FAT4: variants seen among roughly 807,000 people sequenced by gnomAD.
FAT4 encodes FAT atypical cadherin 4.
FAT4 carries 84 observed loss-of-function variants against 303.9 expected under a neutral mutation model. The observed-to-expected ratio is 0.28, with a 90% CI of 0.23 to 0.33. The LOEUF is 0.33. Among genes scored for constraint, FAT4 ranks in the 10% least tolerant of loss-of-function variants. The pLI is 1.00. For synonymous variants in FAT4, 2,307 were observed against 2,298.8 expected (o/e 1.00, Z -0.10); for missense variants, 6,005 against 6,146.8 (o/e 0.98, Z 0.77).
chr4:125,359,147 T>G (rs1050820763), intron 2 of FAT4, among the ~76,000 whole-genome samples: 1 of 152,154 alleles, frequency 6.6e-6, no homozygotes, highest in African/African-American at 2.4e-5. Context: ...CATCATCACA[T>G]AGTAGCACAT....
intron 14 of FAT4, among the ~76,000 whole-genome samples, chr4:125,478,796 G>T (rs1727122494): frequency 6.6e-6 from 1 of 152,092 alleles, no homozygotes. Flanking sequence ...CCAAAGTGCT[G>T]GGATTATAGA....
chr4:125,425,459 T>G (rs1725054702), intron 7 of FAT4, among the ~76,000 whole-genome samples: 1 of 152,140 alleles, frequency 6.6e-6, no homozygotes, highest in African/African-American at 2.4e-5. Context: ...ATTTTTATAT[T>G]AAAGAGAACA....
chr4:125,434,448 A>G (rs2126044284), intron 8 of FAT4, 23 bp downstream of exon 8: 2 of 1,609,288 alleles, frequency 1.2e-6, no homozygotes, highest in African/African-American at 1.3e-5. Context: ...TCCTTTGTAA[A>G]GTTTGTCTGT....
At chr4:125,339,266 C>T (rs1184092903) in intron 2 of FAT4, among the ~76,000 whole-genome samples, 3 of 151,384 alleles carry the variant, frequency 2.0e-5, no homozygotes, top group South Asian at 2.1e-4. Flanking sequence ...CGGGTTCAAG[C>T]GATTCTCCTG....
At chr4:125,366,128 G>T (rs559113836) in intron 2 of FAT4, among the ~76,000 whole-genome samples, 2 of 152,256 alleles carry the variant, frequency 1.3e-5, no homozygotes, top group African/African-American at 2.4e-5. Flanking sequence ...TGCCAAAAAG[G>T]TTGGGGACTG....
At chr4:125,349,841 AT>A (rs1317151949) in intron 2 of FAT4, among the ~76,000 whole-genome samples, 1 of 151,732 alleles carries the variant, frequency 6.6e-6, no homozygotes, top group African/African-American at 2.4e-5. Context: ...GTGAAGGACA[AT>A]AAAAATTGAC....
Position 125,451,103 on chromosome 4 carries a change from C to G in FAT4, c.10093C>G (p.Arg3365Gly). Residue 3365 changes from arginine to glycine, a missense_variant, in exon 10 of 18, where the codon CGA (arginine) becomes GGA (glycine). By Grantham distance (125) the Arg-to-Gly change is moderately radical. Transcript: ENST00000394329. ...GATTTATGTTTCTGGAATTCTTGAT[C>G]GAGAAAAAGAAGAAAGGGTGTCTTT... ...GQIYVSGILD[R>G]EKEERVSLKV... 1.9e-6 allele frequency: 3 copies of G among 1,613,902 alleles called. No homozygotes were observed. Among genetic ancestry groups the G allele is most frequent in the Non-Finnish European group, 1.7e-6 (2 of 1,179,966 alleles).
chr4:125,399,422 G>GA (rs1560798821), intron 3 of FAT4, among the ~76,000 whole-genome samples: 2 of 151,856 alleles, frequency 1.3e-5, no homozygotes, highest in South Asian at 4.1e-4. Context: ...TTTTTCTTAT[G>GA]AAAAAAACTC....
At position 125,491,162 on chromosome 4, in the gene FAT4, A is replaced by G. The variant is rs141908891; in HGVS notation, c.14346A>G (p.Glu4782=). 5 of 1,614,032 alleles carry G rather than the reference A, an allele frequency of 3.1e-6. No individual in the cohort carries two copies. The highest frequency in any genetic ancestry group is 1.6e-4 in the Middle Eastern group (1 of 6,082). The stretch of plus-strand genomic sequence containing the variant: ...AGCCGATTGGGCAGATTCCACTGGA[A>G]TCTTCTCCTCCAGTCGGACTTTCTA... ...LKQPIGQIPL[E]SSPPVGLSIE... Residue 4782 remains glutamate, a synonymous_variant, in exon 18 of 18, where the codon GAA becomes GAG. Coordinates refer to ENST00000394329, the MANE Select transcript of FAT4 (RefSeq NM_001291303.3).
intron 2 of FAT4, among the ~76,000 whole-genome samples, chr4:125,387,520 A>G (rs565699846): frequency 1.3e-5 from 2 of 152,122 alleles, no homozygotes; most frequent in Non-Finnish European, 2.9e-5. Context: ...AAAAAACACA[A>G]TCTGATGAAC....
chr4:125,417,680 A>G (rs1294717600), intron 7 of FAT4, among the ~76,000 whole-genome samples: 1 of 152,158 alleles, frequency 6.6e-6, no homozygotes, highest in Non-Finnish European at 1.5e-5. Context: ...GCTGAAGACC[A>G]TGATGGGAGG....
At chr4:125,417,646 G>A (rs1735127140) in intron 7 of FAT4, among the ~76,000 whole-genome samples, 1 of 152,162 alleles carries the variant, frequency 6.6e-6, no homozygotes, top group South Asian at 2.1e-4. Flanking sequence ...GTGGAAGCCT[G>A]TCACTCAAAG....
chr4:125,441,893 A>G (rs1725673284), intron 8 of FAT4, among the ~76,000 whole-genome samples: 1 of 152,178 alleles, frequency 6.6e-6, no homozygotes, highest in Non-Finnish European at 1.5e-5. Flanking sequence ...TTTATTCTAT[A>G]TCTTTGACCA....
intron 2 of FAT4, among the ~76,000 whole-genome samples, chr4:125,398,487 A>C (rs1347979318): frequency 6.6e-6 from 1 of 152,168 alleles, no homozygotes; most frequent in Non-Finnish European, 1.5e-5. Flanking sequence ...AGTGATGTGC[A>C]AATCTGGGGA....
Position 125,317,798 on chromosome 4 carries a change from ATT to A in FAT4, c.1391_1392del (p.Phe464CysfsTer2). ...QARSSVASLVIFVNDINDHPP... is the reference protein window; with the variant it reads ...QARSSVASLVXFVNDINDHPP... ...GCGCTCTTCTGTGGCAAGCCTGGTG[ATT>A]TTTGTTAATGACATCAATGACCATC... On this transcript the variant is annotated frameshift_variant, in exon 2 of 18. Transcript: ENST00000394329. LOFTEE classifies it high-confidence loss of function. The surrounding 1 kb of genome is among the most constrained non-coding windows in gnomAD (Gnocchi z 7.0). 1 of 1,614,158 alleles carries A rather than the reference ATT, an allele frequency of 6.2e-7. No individual in the cohort carries two copies. Among genetic ancestry groups the A allele is most frequent in the Non-Finnish European group, 8.5e-7 (1 of 1,180,026 alleles).
rs372756130 is a variant in FAT4, at chr4:125,440,610, T to TGTGTGAGAGAGAGAGA, written c.7200-5682_7200-5681insTGTGAGAGAGAGAGAG. 3.2e-3 allele frequency among the ~76,000 whole-genome samples: 243 copies of TGTGTGAGAGAGAGAGA among 75,736 alleles called. 3 individuals carry two copies. Among genetic ancestry groups the TGTGTGAGAGAGAGAGA allele is most frequent in the African/African-American group, 0.012 (200 of 17,252 alleles). The allele number at this position is 75,736 out of a possible 152,430, so 49.7% of individuals were successfully genotyped here. On this transcript the variant is annotated intron_variant, in intron 8 of 17. Coordinates refer to ENST00000394329, the MANE Select transcript of FAT4 (RefSeq NM_001291303.3). ...GTGTGTGTGTGTGTGTGTGTGTGTG[T>TGTGTGAGAGAGAGAGA]GAGAGAGAGAGAGAGAGAGAGAGAG...
At position 125,403,200 on chromosome 4, in the gene FAT4, C is replaced by T. The variant is rs537257708; in HGVS notation, c.5308-3680C>T. On this transcript the variant is annotated intron_variant, in intron 3 of 17. Coordinates refer to ENST00000394329, the MANE Select transcript of FAT4 (RefSeq NM_001291303.3). The stretch of plus-strand genomic sequence containing the variant: ...TAAAATATATGTTCACTAAATTAAC[C>T]TCCAAAACAATCCTTTTTGGCAGGT... Among the ~76,000 whole-genome samples the T allele has an allele frequency of 1.0e-3, 159 of 152,138 alleles. 1 individual carries two copies. Among genetic ancestry groups the T allele is most frequent in the South Asian group, 2.7e-3 (13 of 4,822 alleles).
chr4:125,365,933 G>T (rs538996039), intron 2 of FAT4, among the ~76,000 whole-genome samples: 1 of 152,024 alleles, frequency 6.6e-6, no homozygotes, highest in Non-Finnish European at 1.5e-5. Flanking sequence ...GGAGGTGAGC[G>T]GCAGGCTAAC....
chr4:125,356,543 T>G (rs3021415), intron 2 of FAT4, among the ~76,000 whole-genome samples: 3 of 105,024 alleles, frequency 2.9e-5, no homozygotes, highest in African/African-American at 1.0e-4. Context: ...GGGTGTTTTG[T>G]TTTTTGTTTT....
Sources: allele counts gnomAD v4.1 joint callset (sites outside exome capture counted in the v4.1 genomes callset), GRCh38; gene constraint gnomAD v4.1.1; non-coding constraint Gnocchi (gnomAD v3.1); transcripts MANE v1.5; gene names NCBI Gene and HGNC (gene_info 2026-07-23, HGNC 2026-07-21).